Variants in SPOCK3 observed in about 807,000 individuals in gnomAD.
The protein encoded by SPOCK3 is testican-3.
In SPOCK3, 30 loss-of-function variants were observed where a neutral mutation model predicts 56.6. That is an observed-to-expected ratio of 0.53 (90% confidence interval 0.40 to 0.72). The LOEUF is 0.72. Ranked by LOEUF, SPOCK3 falls within the 30% of genes least tolerant of loss-of-function variation. SPOCK3 has a pLI of 0.00. For synonymous variants in SPOCK3, 196 were observed against 183.3 expected (o/e 1.07, Z -0.56); for missense variants, 527 against 530.0 (o/e 0.99, Z 0.06).
chr4:167,075,066 C>T (rs985030920), intron 2 of SPOCK3, among the ~76,000 whole-genome samples: 4 of 151,830 alleles, frequency 2.6e-5, no homozygotes, highest in African/African-American at 9.7e-5. Flanking sequence ...AGTCGCCCTA[C>T]TGTGCACTCA....
At chr4:166,739,511 G>T (rs1734603597) in intron 9 of SPOCK3, among the ~76,000 whole-genome samples, 1 of 151,970 alleles carries the variant, frequency 6.6e-6, no homozygotes, top group East Asian at 1.9e-4. Flanking sequence ...AGAATGCTGG[G>T]ATTACAGGCA....
intron 2 of SPOCK3, among the ~76,000 whole-genome samples, chr4:167,142,518 G>A (rs1226267097): frequency 1.3e-5 from 2 of 151,982 alleles, no homozygotes; most frequent in Non-Finnish European, 2.9e-5. Context: ...TAGAATGAGA[G>A]TCACATGACA....
At chr4:167,177,035 A>C (rs72699696) in intron 2 of SPOCK3, among the ~76,000 whole-genome samples, 7,549 of 152,220 alleles carry the variant, frequency 0.05, 219 homozygotes, top group Admixed American at 0.078. Context: ...ATCATTAACA[A>C]GGCAGTATTC....
At chr4:167,074,696 T>C (rs1757012900) in intron 2 of SPOCK3, among the ~76,000 whole-genome samples, 1 of 151,840 alleles carries the variant, frequency 6.6e-6, no homozygotes, top group Non-Finnish European at 1.5e-5. Context: ...TACCAGAATG[T>C]AGGGATCATG....
At chr4:166,881,264 TAA>T (rs1459563600) in intron 6 of SPOCK3, among the ~76,000 whole-genome samples, 2 of 151,864 alleles carry the variant, frequency 1.3e-5, no homozygotes, top group African/African-American at 2.4e-5. Flanking sequence ...GCAAAATGTC[TAA>T]AGTTTGTTAT....
intron 5 of SPOCK3, among the ~76,000 whole-genome samples, chr4:166,909,549 A>G (rs1432038662): frequency 6.6e-6 from 1 of 152,114 alleles, no homozygotes. Context: ...GTATCAATGC[A>G]TGGGTCAACA....
chr4:166,754,000 A>T (rs1338140566), intron 8 of SPOCK3: 1 of 700,378 alleles, frequency 1.4e-6, no homozygotes, highest in African/African-American at 1.9e-5. Flanking sequence ...TGAATTTTAT[A>T]AAAGGTAAGC....
rs1179624668 is a variant in SPOCK3 at position 167,146,489 on chromosome 4, C to T, written c.190-83952G>A. ...ATAGACATCTACAGAACTCTCCACC[C>T]CAAATCAACAGAATATACATTCTTC... is the stretch of plus-strand genomic sequence containing the variant. On this transcript the variant is annotated intron_variant, in intron 2 of 10. Transcript: ENST00000357545. 2.0e-5 allele frequency among the ~76,000 whole-genome samples: 3 copies of T among 152,068 alleles called. No homozygotes were observed. The South Asian group carries it at 6.2e-4, about 32-fold the overall frequency.
chr4:166,912,542 G>T lies in SPOCK3; in HGVS notation c.474+78C>A, dbSNP rs985080842. On this transcript the variant is annotated intron_variant, in intron 5 of 10. Coordinates refer to ENST00000357545, the MANE Select transcript of SPOCK3 (RefSeq NM_001040159.2). ...AATGAATAATTTGAATTATCACATT[G>T]GATAAGCAATGGTTTTAATCATTTA... 6.8e-6 allele frequency: 9 copies of T among 1,326,986 alleles called. No individual in the cohort carries two copies. In the African/African-American group the frequency reaches 7.3e-5, roughly 11 times the overall value. The allele number at this position is 1,326,986 out of a possible 1,614,324, so 82.2% of individuals were successfully genotyped here.
chr4:167,120,009 G>T, intron 2 of SPOCK3: 1 of 567,862 alleles, frequency 1.8e-6, no homozygotes. Flanking sequence ...TGTTAAAGCA[G>T]TGTATCTCTT....
intron 5 of SPOCK3, among the ~76,000 whole-genome samples, chr4:166,899,376 T>C (rs1579580778): frequency 6.6e-6 from 1 of 151,970 alleles, no homozygotes; most frequent in African/African-American, 2.4e-5. Context: ...ATGCAGATGA[T>C]ACCCTGTTGT....
At position 166,833,841 on chromosome 4, in the gene SPOCK3, C is replaced by T. The variant is rs183201877; in HGVS notation, c.590-41552G>A. ...AAACTCTGTCTTCTATCTGTGGTTG[C>T]GTTTGGGCACATGTCATGTCACCTG... On this transcript the variant is annotated intron_variant, in intron 6 of 10. Coordinates refer to ENST00000357545, the MANE Select transcript of SPOCK3 (RefSeq NM_001040159.2). Among the ~76,000 whole-genome samples, 22 of 152,130 alleles carry T rather than the reference C, an allele frequency of 1.4e-4. No homozygotes were observed. In the East Asian group the frequency reaches 4.3e-3, roughly 29 times the overall value.
chr4:167,000,452 C>A lies in SPOCK3; in HGVS notation c.247G>T (p.Ala83Ser). The A allele has an allele frequency of 6.3e-7, 1 of 1,578,208 alleles. No individual in the cohort carries two copies. Among genetic ancestry groups the A allele is most frequent in the Non-Finnish European group, 8.6e-7 (1 of 1,156,554 alleles). The change falls in exon 4 of 11, where the codon GCT (alanine) becomes TCT (serine). Residue 83 changes from alanine to serine, a missense_variant. Ala to Ser is a moderately conservative substitution (Grantham distance 99). Transcript: ENST00000357545. Reference protein sequence around the residue: ...GKPFDQALDPAKDPCLKMKCS... With the variant: ...GKPFDQALDPSKDPCLKMKCS... ...TTCATCTTTAAGCATGGATCCTTAG[C>A]TGGATCTAAAGCTAAAAAAATTGCA...
intron 6 of SPOCK3, among the ~76,000 whole-genome samples, chr4:166,878,210 C>T (rs187069987): frequency 1.3e-4 from 20 of 152,112 alleles, no homozygotes; most frequent in African/African-American, 3.6e-4. Flanking sequence ...ACCCGGGTGG[C>T]GAAGGTTGCA....
intron 2 of SPOCK3, among the ~76,000 whole-genome samples, chr4:167,175,651 G>A (rs575984606): frequency 6.6e-6 from 1 of 152,086 alleles, no homozygotes; most frequent in Non-Finnish European, 1.5e-5. Flanking sequence ...AGGTGGAGAT[G>A]CTGTGGAGGC....
chr4:167,217,958 AAAC>A (rs2111078893), intron 2 of SPOCK3, among the ~76,000 whole-genome samples: 1 of 152,250 alleles, frequency 6.6e-6, no homozygotes, highest in South Asian at 2.1e-4. Context: ...GGGTTTTAGC[AAAC>A]AACAAACACA....
chr4:167,208,666 T>C (rs997029732), intron 2 of SPOCK3, among the ~76,000 whole-genome samples: 61 of 152,098 alleles, frequency 4.0e-4, no homozygotes, highest in African/African-American at 1.3e-3. Context: ...ATTTACCACC[T>C]GATGATAGTA....
intron 2 of SPOCK3, among the ~76,000 whole-genome samples, chr4:167,218,289 G>A (rs1442863106): frequency 1.3e-5 from 2 of 152,140 alleles, no homozygotes; most frequent in East Asian, 1.9e-4. Flanking sequence ...CTTGGCCTCA[G>A]ATGATGTTTT....
intron 2 of SPOCK3, among the ~76,000 whole-genome samples, chr4:167,106,332 T>G (rs963960088): frequency 6.0e-5 from 9 of 151,074 alleles, no homozygotes; most frequent in East Asian, 1.9e-4. Context: ...ATAAGAGGAG[T>G]CTTGGACACT....
Sources: allele counts gnomAD v4.1 joint callset (sites outside exome capture counted in the v4.1 genomes callset), GRCh38; gene constraint gnomAD v4.1.1; transcripts MANE v1.5; gene names NCBI Gene and HGNC (gene_info 2026-07-23, HGNC 2026-07-21).